AKAP8L: variants seen among roughly 807,000 people sequenced by gnomAD.
AKAP8L encodes the protein A-kinase anchoring protein 8 like, also known as A-kinase anchor protein 8-like.
AKAP8L carries 34 observed loss-of-function variants against 77.5 expected under a neutral mutation model. The ratio of observed to expected loss-of-function variants is 0.44; its 90% CI spans 0.33 to 0.58. The LOEUF is 0.58. Among genes scored for constraint, AKAP8L ranks in the 20% least tolerant of loss-of-function variants. AKAP8L has a pLI of 0.02. For missense variants in AKAP8L, 806 were observed against 887.6 expected, an observed-to-expected ratio of 0.91 and a Z score of 1.17; for synonymous variants, 342 against 340.7, an observed-to-expected ratio of 1.00 and a Z score of -0.04.
rs1967814815 is a variant in AKAP8L, at chr19:15,398,070, G to A, written c.1158-215C>T. 1.7e-6 allele frequency: 1 copy of A among 578,816 alleles called. No homozygotes were observed. The highest frequency in any genetic ancestry group is 2.1e-5 in the South Asian group (1 of 46,874). The allele number at this position is 578,816 out of a possible 1,614,324, so 35.9% of individuals were successfully genotyped here. A position where few individuals can be genotyped will look rare whatever the true frequency, so the allele number is the denominator to read the frequency against. On this transcript the variant is annotated intron_variant, in intron 9 of 13. Coordinates refer to ENST00000397410, the MANE Select transcript of AKAP8L (RefSeq NM_014371.4). The surrounding 1 kb of genome is among the most constrained non-coding windows in gnomAD (Gnocchi z 9.2). Reference sequence around the variant, plus strand: ...CAGTTACTGCAACGTAGGGGACAGGGGAGGAGCTCTTCCTTCCCACAGGCA... The same window carrying A: ...CAGTTACTGCAACGTAGGGGACAGGAGAGGAGCTCTTCCTTCCCACAGGCA...
At chr19:15,386,850 G>C (rs1472002786) in intron 12 of AKAP8L, among the ~76,000 whole-genome samples, 2 of 152,100 alleles carry the variant, frequency 1.3e-5, no homozygotes, top group East Asian at 3.8e-4. Flanking sequence ...GTAAAGATGG[G>C]GTTTCACGAT....
At chr19:15,396,710 C>A (rs1014387738) in intron 12 of AKAP8L, among the ~76,000 whole-genome samples, 1 of 152,192 alleles carries the variant, frequency 6.6e-6, no homozygotes, top group Non-Finnish European at 1.5e-5. Context: ...CACCACCCCA[C>A]CCAGGTGCAG....
rs2145136951 is a variant in AKAP8L at position 15,403,841 on chromosome 19, A to G, written c.122-126T>C. 9.3e-7 allele frequency: 1 copy of G among 1,072,854 alleles called. No homozygotes were observed. Among genetic ancestry groups the G allele is most frequent in the Non-Finnish European group, 1.4e-6 (1 of 724,412 alleles). The allele number at this position is 1,072,854 out of a possible 1,614,324, so 66.5% of individuals were successfully genotyped here. Reference sequence around the variant, plus strand: ...AGAGAGAGAAGACCCTAGCCACTGAAGCTAGATGGGCCCTGGTCATTCTGA... The same window carrying G: ...AGAGAGAGAAGACCCTAGCCACTGAGGCTAGATGGGCCCTGGTCATTCTGA... On this transcript the variant is annotated intron_variant, in intron 3 of 13. Transcript: ENST00000397410. This position sits in a 1 kb window ranked among gnomAD's most constrained non-coding sequence, Gnocchi z 4.3.
At position 15,397,016 on chromosome 19, in the gene AKAP8L, A is replaced by C. The variant is rs1257052713; in HGVS notation, c.1536+134T>G. The C allele has an allele frequency of 1.1e-5, 14 of 1,273,416 alleles. No individual in the cohort carries two copies. Among genetic ancestry groups the C allele is most frequent in the Non-Finnish European group, 1.5e-5 (14 of 907,826 alleles). 78.9% of individuals were successfully genotyped at this position (1,273,416 alleles called of 1,614,324 possible). ...AGCTGTGCTGCCTGCACTGAGCTGGAAATGTCCATATCCACCTCCTCCTGC... is the reference window on the plus strand; with the variant it reads ...AGCTGTGCTGCCTGCACTGAGCTGGCAATGTCCATATCCACCTCCTCCTGC... On this transcript the variant is annotated intron_variant, in intron 12 of 13. Coordinates refer to ENST00000397410, the MANE Select transcript of AKAP8L (RefSeq NM_014371.4). The surrounding 1 kb of genome is among the most constrained non-coding windows in gnomAD (Gnocchi z 4.7).
At chr19:15,402,340 C>A (rs1286714451) in intron 4 of AKAP8L, among the ~76,000 whole-genome samples, 1 of 152,156 alleles carries the variant, frequency 6.6e-6, no homozygotes, top group Non-Finnish European at 1.5e-5. Context: ...AGCCCACACC[C>A]CTACAGGCCT....
chr19:15,394,353 A>G (rs1967724894), intron 12 of AKAP8L, among the ~76,000 whole-genome samples: 1 of 152,168 alleles, frequency 6.6e-6, no homozygotes, highest in Non-Finnish European at 1.5e-5. Flanking sequence ...TGTTTATATG[A>G]AGTGTCTAGA....
rs778932233 is a variant in AKAP8L at position 15,401,175 on chromosome 19, T to C, written c.791A>G (p.Lys264Arg). The change falls in exon 5 of 14, where the codon AAG becomes AGG. Residue 264 changes from lysine (K) to arginine (R), a missense_variant. Physicochemically the swap from Lys to Arg is conservative, Grantham distance 26. Around this residue, in one of 2 missense-constraint regions of AKAP8L, gnomAD observed 580 missense variants for 694.1 expected, o/e 0.84. Coordinates refer to ENST00000397410, the MANE Select transcript of AKAP8L (RefSeq NM_014371.4). This position sits in a 1 kb window ranked among gnomAD's most constrained non-coding sequence, Gnocchi z 6.2. ...TCGGAAGTCGGCTGTGGTCCAGGTC[T>C]TCCAGGTCCGCCTCATCTGCTTCAT... is the stretch of plus-strand genomic sequence containing the variant. ...NGMKQMRRTW[K>R]TWTTADFRTK... 2.5e-6 allele frequency: 4 copies of C among 1,607,764 alleles called. No individual in the cohort carries two copies. In the African/African-American group the frequency reaches 5.3e-5, roughly 21 times the overall value.
chr19:15,413,301 C>T (rs1417191581), intron 1 of AKAP8L, among the ~76,000 whole-genome samples: 1 of 152,190 alleles, frequency 6.6e-6, no homozygotes, highest in Non-Finnish European at 1.5e-5. Context: ...CTTTCTTTGT[C>T]CTACTTAGTG....
chr19:15,418,444 G>A (rs908607450), intron 1 of AKAP8L, among the ~76,000 whole-genome samples: 4 of 152,208 alleles, frequency 2.6e-5, no homozygotes, highest in Admixed American at 2.0e-4. Flanking sequence ...GACAAAAGGG[G>A]GTGGTGGGTG....
At position 15,391,863 on chromosome 19, in the gene AKAP8L, G is replaced by A. The variant is rs550283664; in HGVS notation, c.1536+5287C>T. Among the ~76,000 whole-genome samples, 228 of 152,036 alleles carry A rather than the reference G, an allele frequency of 1.5e-3. 1 individual carries two copies. The highest frequency in any genetic ancestry group is 5.0e-3 in the African/African-American group (209 of 41,466). ...TATGTTTTTATTTTTTAGAGACAGG[G>A]TCTTGCTCTGTCACTCATGCTGGAG... On this transcript the variant is annotated intron_variant, in intron 12 of 13. Coordinates refer to ENST00000397410, the MANE Select transcript of AKAP8L (RefSeq NM_014371.4).
intron 12 of AKAP8L, among the ~76,000 whole-genome samples, chr19:15,388,055 T>G (rs1967578534): frequency 6.6e-6 from 1 of 152,072 alleles, no homozygotes; most frequent in African/African-American, 2.4e-5. Flanking sequence ...CCCAAAACAT[T>G]GTTGAAAACA....
At chr19:15,383,082 C>G (rs1967452978) in intron 12 of AKAP8L, 1 of 152,200 alleles carries the variant, frequency 6.6e-6, no homozygotes, top group Non-Finnish European at 1.5e-5. Context: ...CATTTGGTGG[C>G]TAAATGTGAA....
At chr19:15,406,020 G>C (rs1277655173) in intron 2 of AKAP8L, among the ~76,000 whole-genome samples, 1 of 152,152 alleles carries the variant, frequency 6.6e-6, no homozygotes, top group African/African-American at 2.4e-5. Flanking sequence ...GTCACTGCAA[G>C]CTTCACCTGC....
chr19:15,380,666 G>A, intron 12 of AKAP8L, 54 bp from the exon 13 acceptor site: 1 of 1,573,810 alleles, frequency 6.4e-7, no homozygotes, highest in South Asian at 1.1e-5. Flanking sequence ...CCTACAAGTT[G>A]CTGCCCCGAC....
intron 8 of AKAP8L, 144 bp downstream of exon 8, chr19:15,400,151 G>A: frequency 1.3e-6 from 1 of 791,326 alleles, no homozygotes; most frequent in Non-Finnish European, 2.1e-6. Context: ...CGAAAAGAAA[G>A]CCCCCTGCCA....
At chr19:15,400,481 T>C in intron 7 of AKAP8L, 123 bp from the exon 8 acceptor site, 2 of 1,016,742 alleles carry the variant, frequency 2.0e-6, no homozygotes, top group Non-Finnish European at 2.9e-6. Flanking sequence ...AGAGCAGGGC[T>C]ATCCTATAGG....
chr19:15,397,446 C>T lies in AKAP8L; in HGVS notation c.1405+74G>A. On this transcript the variant is annotated intron_variant, in intron 11 of 13. Coordinates refer to ENST00000397410, the MANE Select transcript of AKAP8L (RefSeq NM_014371.4). This position sits in a 1 kb window ranked among gnomAD's most constrained non-coding sequence, Gnocchi z 4.7. Reference sequence around the variant, plus strand: ...CTTCCCTGGGGGAACAGAAGGGTGTCCTGACCCTGCACCGAAAATCAGGAG... The same window carrying T: ...CTTCCCTGGGGGAACAGAAGGGTGTTCTGACCCTGCACCGAAAATCAGGAG... The T allele has an allele frequency of 6.6e-7, 1 of 1,510,102 alleles. No individual in the cohort carries two copies. 93.5% of individuals were successfully genotyped at this position (1,510,102 alleles called of 1,614,324 possible).
At chr19:15,396,117 G>A (rs920474025) in intron 12 of AKAP8L, among the ~76,000 whole-genome samples, 7 of 151,506 alleles carry the variant, frequency 4.6e-5, no homozygotes, top group South Asian at 4.2e-4. Context: ...TCTGCAACCA[G>A]AGAGACCCCT....
At chr19:15,409,676 C>T (rs935708838) in intron 2 of AKAP8L, among the ~76,000 whole-genome samples, 10 of 152,128 alleles carry the variant, frequency 6.6e-5, no homozygotes, top group African/African-American at 1.2e-4. Flanking sequence ...AACAGCAGTC[C>T]GGGCTGCCAC....
Sources: gnomAD v4.1 joint callset for allele counts (sites outside exome capture counted in the v4.1 genomes callset) on GRCh38, gnomAD v4.1.1 for gene constraint, gnomAD v4.1.1 regional missense constraint, Gnocchi (gnomAD v3.1) non-coding constraint, MANE v1.5 for transcripts, NCBI Gene and HGNC (gene_info 2026-07-23, HGNC 2026-07-21) for gene names.